The following PCYT1A variants were observed in gnomAD, a reference collection of about 807,000 sequenced individuals.
PCYT1A encodes the protein phosphate cytidylyltransferase 1A, choline, also known as choline-phosphate cytidylyltransferase A.
In PCYT1A, 25 loss-of-function variants were observed where a neutral mutation model predicts 43.7. The ratio of observed to expected loss-of-function variants is 0.57; its 90% confidence interval spans 0.42 to 0.80. The LOEUF (loss-of-function observed/expected upper bound fraction) is 0.80. Among genes scored for constraint, PCYT1A ranks in the 30% least tolerant of loss-of-function variants. The probability of loss-of-function intolerance (pLI) is 0.00; values close to 1 mark genes in which losing one functional copy is unlikely to be tolerated. For synonymous variants in PCYT1A, 172 were observed against 170.7 expected (o/e 1.01, Z -0.06); for missense variants, 421 against 474.2 (o/e 0.89, Z 1.04).
At chr3:196,276,754 G>A (rs1725602577) in intron 1 of PCYT1A, among the ~76,000 whole-genome samples, 1 of 152,118 alleles carries the variant, frequency 6.6e-6, no homozygotes, top group Non-Finnish European at 1.5e-5. Flanking sequence ...GTGAAAGTTT[G>A]CTGAGGAATA....
chr3:196,262,543 G>T (rs1357093899), intron 2 of PCYT1A, among the ~76,000 whole-genome samples: 1 of 152,162 alleles, frequency 6.6e-6, no homozygotes, highest in Non-Finnish European at 1.5e-5. Context: ...CCAAATGCAT[G>T]CATCTAAAAG....
chr3:196,249,815 A>G (rs1228984365), intron 3 of PCYT1A, among the ~76,000 whole-genome samples: 22 of 147,836 alleles, frequency 1.5e-4, no homozygotes, highest in South Asian at 4.4e-4. Context: ...TGAGGACCAG[A>G]TACACTATGC....
At position 196,247,777 on chromosome 3, in the gene PCYT1A, T is replaced by G. The variant is rs76599149; in HGVS notation, c.335-259A>C. ...ACAACAGGTGACCAAGATCTTTGAC[T>G]CTGAAATAAACCTGCTGTGCGTGTC... On this transcript the variant is annotated intron_variant, in intron 4 of 8. Coordinates refer to ENST00000431016, the MANE Select transcript of PCYT1A (RefSeq NM_001312673.2). The surrounding 1 kb of genome is among the most constrained non-coding windows in gnomAD (Gnocchi z 4.8). 29,363 of 627,332 alleles carry G rather than the reference T, an allele frequency of 0.047. 832 individuals are homozygous for G. Among genetic ancestry groups the G allele is most frequent in the Non-Finnish European group, 0.058 (19,746 of 341,280 alleles). 38.9% of individuals were successfully genotyped at this position (627,332 alleles called of 1,614,324 possible). A position where few individuals can be genotyped will look rare whatever the true frequency, so the allele number is the denominator to read the frequency against.
rs1724621126 is a variant in PCYT1A at position 196,247,945 on chromosome 3, A to G, written c.334+262T>C. The G allele has an allele frequency of 1.9e-6, 1 of 525,848 alleles. No homozygotes were observed. The highest frequency in any genetic ancestry group is 3.4e-6 in the Non-Finnish European group (1 of 291,166). The allele number at this position is 525,848 out of a possible 1,614,324, so 32.6% of individuals were successfully genotyped here. A position where few individuals can be genotyped will look rare whatever the true frequency, so the allele number is the denominator to read the frequency against. Reference sequence around the variant, plus strand: ...TAAAGCAAATGTTTTAAAGTGGACAACGGAAGTCACGGCTGCTCCTGTGAC... The same window carrying G: ...TAAAGCAAATGTTTTAAAGTGGACAGCGGAAGTCACGGCTGCTCCTGTGAC... On this transcript the variant is annotated intron_variant, in intron 4 of 8. Transcript: ENST00000431016. This position sits in a 1 kb window ranked among gnomAD's most constrained non-coding sequence, Gnocchi z 4.8.
At chr3:196,241,504 A>G (rs1724355100) in intron 7 of PCYT1A, 1 of 1,289,374 alleles carries the variant, frequency 7.8e-7, no homozygotes. Context: ...CTAAAAGGCA[A>G]TATTAAGCTA....
At chr3:196,283,250 G>A (rs1725818075) in intron 1 of PCYT1A, among the ~76,000 whole-genome samples, 1 of 152,102 alleles carries the variant, frequency 6.6e-6, no homozygotes, top group Non-Finnish European at 1.5e-5. Flanking sequence ...CTTGAACCCA[G>A]GAGGCAGAGT....
intron 2 of PCYT1A, among the ~76,000 whole-genome samples, chr3:196,259,361 G>A (rs1326850320): frequency 6.6e-6 from 1 of 151,542 alleles, no homozygotes; most frequent in African/African-American, 2.4e-5. Context: ...TCAAATTTTT[G>A]GCATGAAATT....
At chr3:196,253,824 T>G in intron 3 of PCYT1A, among the ~76,000 whole-genome samples, 1 of 152,084 alleles carries the variant, frequency 6.6e-6, no homozygotes, top group East Asian at 1.9e-4. Flanking sequence ...TTAGCCATTC[T>G]TTTACCAAGT....
intron 3 of PCYT1A, among the ~76,000 whole-genome samples, chr3:196,255,708 C>CA (rs1724930917): frequency 6.6e-6 from 1 of 152,100 alleles, no homozygotes; most frequent in East Asian, 1.9e-4. Flanking sequence ...CAAAACAAAA[C>CA]AAAAGATCAA....
chr3:196,282,507 G>A lies in PCYT1A; in HGVS notation c.-11+5108C>T, dbSNP rs1725797561. ...ACTTCAGTGATGAACATAAGCTACA[G>A]CAGTAATAGCAGACTTATTAGACAA... On this transcript the variant is annotated intron_variant, in intron 1 of 8. Coordinates refer to ENST00000431016, the MANE Select transcript of PCYT1A (RefSeq NM_001312673.2). This position sits in a 1 kb window ranked among gnomAD's most constrained non-coding sequence, Gnocchi z 4.3. Among the ~76,000 whole-genome samples, 1 of 152,190 alleles carries A rather than the reference G, an allele frequency of 6.6e-6. No individual in the cohort carries two copies. The highest frequency in any genetic ancestry group is 1.5e-5 in the Non-Finnish European group (1 of 68,030).
intron 7 of PCYT1A, among the ~76,000 whole-genome samples, chr3:196,240,399 C>T (rs1381599994): frequency 2.0e-5 from 3 of 152,114 alleles, no homozygotes; most frequent in African/African-American, 7.2e-5. Context: ...TGAGAAGTAT[C>T]CTTGGCCAGG....
chr3:196,280,865 G>A (rs2108783022), intron 1 of PCYT1A, among the ~76,000 whole-genome samples: 1 of 152,210 alleles, frequency 6.6e-6, no homozygotes. Flanking sequence ...GGCTGACTGT[G>A]GGTAACTGAA....
At chr3:196,254,088 G>A (rs1389661207) in intron 3 of PCYT1A, among the ~76,000 whole-genome samples, 2 of 150,212 alleles carry the variant, frequency 1.3e-5, no homozygotes, top group African/African-American at 4.9e-5. Context: ...GTGCAGTGAC[G>A]TGACCTAGGC....
chr3:196,269,876 T>G (rs76251105), intron 2 of PCYT1A, among the ~76,000 whole-genome samples: 5,007 of 152,082 alleles, frequency 0.033, 275 homozygotes, highest in African/African-American at 0.11. Context: ...TTTATTTACT[T>G]TTTATTTTTA....
At chr3:196,281,735 T>C (rs561551074) in intron 1 of PCYT1A, among the ~76,000 whole-genome samples, 1 of 152,258 alleles carries the variant, frequency 6.6e-6, no homozygotes, top group Non-Finnish European at 1.5e-5. Flanking sequence ...GTGTTAGAAA[T>C]AGAATTATTT....
chr3:196,281,967 A>G (rs900735698), intron 1 of PCYT1A, among the ~76,000 whole-genome samples: 1 of 152,226 alleles, frequency 6.6e-6, no homozygotes, highest in Non-Finnish European at 1.5e-5. Flanking sequence ...CTGGGATTAT[A>G]GGTATGAACT....
Position 196,242,156 on chromosome 3 carries a change from T to C in PCYT1A, c.566-66A>G. ...GGTTAGCTCAGGTATTAAGACTAAA[T>C]GGAAATTGGGGGCAACATTCCTTTC... On this transcript the variant is annotated intron_variant, in intron 6 of 8. Coordinates refer to ENST00000431016, the MANE Select transcript of PCYT1A (RefSeq NM_001312673.2). The surrounding 1 kb of genome is among the most constrained non-coding windows in gnomAD (Gnocchi z 4.2). 2.6e-6 allele frequency: 4 copies of C among 1,521,046 alleles called. No homozygotes were observed. Among genetic ancestry groups the C allele is most frequent in the Non-Finnish European group, 2.7e-6 (3 of 1,100,892 alleles). The allele number at this position is 1,521,046 out of a possible 1,614,324, so 94.2% of individuals were successfully genotyped here.
chr3:196,279,826 C>CTTTTT (rs397723929), intron 1 of PCYT1A, among the ~76,000 whole-genome samples: 132 of 50,908 alleles, frequency 2.6e-3, no homozygotes, highest in Middle Eastern at 0.016. Flanking sequence ...CCAGTCCTTT[C>CTTTTT]TTTTTTTTTT....
rs553845829 is a variant in PCYT1A at position 196,242,896 on chromosome 3, C to G, written c.487-256G>C. 1 of 500,928 alleles carries G rather than the reference C, an allele frequency of 2.0e-6. No individual in the cohort carries two copies. Among genetic ancestry groups the G allele is most frequent in the Non-Finnish European group, 3.6e-6 (1 of 274,600 alleles). The allele number at this position is 500,928 out of a possible 1,614,324, so 31.0% of individuals were successfully genotyped here. Reference sequence around the variant, plus strand: ...TAGTCTGCTAGAACTGTTACCCTCACTCTGTATACCAGTCATCTTGCTGTG... The same window carrying G: ...TAGTCTGCTAGAACTGTTACCCTCAGTCTGTATACCAGTCATCTTGCTGTG... On this transcript the variant is annotated intron_variant, in intron 5 of 8. Coordinates refer to ENST00000431016, the MANE Select transcript of PCYT1A (RefSeq NM_001312673.2). The surrounding 1 kb of genome is among the most constrained non-coding windows in gnomAD (Gnocchi z 4.2).
Sources: gnomAD v4.1 joint callset for allele counts (sites outside exome capture counted in the v4.1 genomes callset) on GRCh38, gnomAD v4.1.1 for gene constraint, Gnocchi (gnomAD v3.1) non-coding constraint, MANE v1.5 for transcripts, NCBI Gene and HGNC (gene_info 2026-07-23, HGNC 2026-07-21) for gene names.